Variants in CLSTN2 observed in about 807,000 individuals in gnomAD.
The protein encoded by CLSTN2 is calsyntenin 2, also known as calsyntenin-2.
In CLSTN2, 48 loss-of-function variants were observed where a neutral mutation model predicts 101.2. The ratio of observed to expected loss-of-function variants is 0.47; its 90% CI spans 0.38 to 0.60. CLSTN2 has a LOEUF of 0.60. Ranked by LOEUF, CLSTN2 falls within the 20% of genes least tolerant of loss-of-function variation. CLSTN2 has a pLI of 0.00. For synonymous variants in CLSTN2, 481 were observed against 463.6 expected (o/e 1.04, Z -0.48); for missense variants, 1,160 against 1,238.2 (o/e 0.94, Z 0.95).
rs571948227 is a variant in CLSTN2, at chr3:140,486,876, T to G, written c.1344+20145T>G. Reference sequence around the variant, plus strand: ...GCTTATTTGGCATGAAACAGGATTCTCGAAAGCCTAGAGAGAAAATTCTGA... The same window carrying G: ...GCTTATTTGGCATGAAACAGGATTCGCGAAAGCCTAGAGAGAAAATTCTGA... On this transcript the variant is annotated intron_variant, in intron 8 of 16. Transcript: ENST00000458420. Among the ~76,000 whole-genome samples, 9 of 152,254 alleles carry G rather than the reference T, an allele frequency of 5.9e-5. No homozygotes were observed. In the East Asian group the frequency reaches 1.7e-3, roughly 29 times the overall value.
intron 2 of CLSTN2, among the ~76,000 whole-genome samples, chr3:140,253,377 A>G (rs1377173055): frequency 6.6e-6 from 1 of 152,160 alleles, no homozygotes; most frequent in East Asian, 1.9e-4. Flanking sequence ...AGCTCCTCTG[A>G]ACTCCATCTA....
At chr3:140,546,805 A>C (rs1390418087) in intron 10 of CLSTN2, 124 bp downstream of exon 10, 8 of 900,504 alleles carry the variant, frequency 8.9e-6, no homozygotes, top group Non-Finnish European at 1.3e-5. Context: ...CAACAAGGCA[A>C]AGGTGCAGCC....
chr3:140,084,425 T>C (rs1014314277), intron 1 of CLSTN2, among the ~76,000 whole-genome samples: 5 of 152,198 alleles, frequency 3.3e-5, no homozygotes, highest in African/African-American at 1.2e-4. Context: ...GAAAGTCCTT[T>C]AATATCTGTG....
At chr3:140,059,821 A>C (rs190360150) in intron 1 of CLSTN2, among the ~76,000 whole-genome samples, 1 of 152,282 alleles carries the variant, frequency 6.6e-6, no homozygotes, top group Non-Finnish European at 1.5e-5. Flanking sequence ...TTAAGAAGAA[A>C]TGTCCAGGGA....
At chr3:140,020,786 T>C (rs2007298340) in intron 1 of CLSTN2, among the ~76,000 whole-genome samples, 1 of 152,222 alleles carries the variant, frequency 6.6e-6, no homozygotes, top group Admixed American at 6.5e-5. Context: ...CCCTGGGTAA[T>C]GGCAAAAGTA....
rs181514178 is a variant in CLSTN2, at chr3:139,964,326, G to A, written c.109+28843G>A. Among the ~76,000 whole-genome samples, 3 of 152,290 alleles carry A rather than the reference G, an allele frequency of 2.0e-5. No homozygotes were observed. In the East Asian group the frequency reaches 5.8e-4, roughly 29 times the overall value. ...TCCTAGTCTCATGGGCTAGAGGAAT[G>A]TAGGAATGATCACAATGTAATCTAA... On this transcript the variant is annotated intron_variant, in intron 1 of 16. Coordinates refer to ENST00000458420, the MANE Select transcript of CLSTN2 (RefSeq NM_022131.3).
chr3:140,525,931 A>G (rs947577137), intron 8 of CLSTN2, among the ~76,000 whole-genome samples: 1 of 152,186 alleles, frequency 6.6e-6, no homozygotes, highest in African/African-American at 2.4e-5. Context: ...TCAAAATATT[A>G]AAGGCCATCT....
intron 2 of CLSTN2, among the ~76,000 whole-genome samples, chr3:140,229,707 T>G (rs2086354081): frequency 6.6e-6 from 1 of 152,036 alleles, no homozygotes; most frequent in Admixed American, 6.5e-5. Flanking sequence ...GCTCCCGCTC[T>G]CACCTTCTCC....
chr3:140,510,273 A>G (rs926098930), intron 8 of CLSTN2, among the ~76,000 whole-genome samples: 7 of 152,232 alleles, frequency 4.6e-5, no homozygotes, highest in African/African-American at 1.7e-4. Flanking sequence ...AGACACTAAC[A>G]GATCTGCCAA....
At chr3:140,331,193 G>A (rs553274658) in intron 2 of CLSTN2, among the ~76,000 whole-genome samples, 23 of 152,282 alleles carry the variant, frequency 1.5e-4, no homozygotes, top group African/African-American at 5.3e-4. Context: ...TCTGGAGTCT[G>A]AGTCCAAGGG....
chr3:140,153,145 G>A (rs1221087508), intron 1 of CLSTN2, among the ~76,000 whole-genome samples: 1 of 152,166 alleles, frequency 6.6e-6, no homozygotes, highest in Non-Finnish European at 1.5e-5. Flanking sequence ...GTTGAGAGAG[G>A]GGTCCTGGTA....
chr3:140,056,900 C>G (rs1032766381), intron 1 of CLSTN2, among the ~76,000 whole-genome samples: 4 of 152,144 alleles, frequency 2.6e-5, no homozygotes, highest in Non-Finnish European at 5.9e-5. Context: ...ACATCAGTGC[C>G]CAAGATTACA....
intron 1 of CLSTN2, among the ~76,000 whole-genome samples, chr3:139,997,837 G>A (rs9833641): frequency 0.51 from 77,096 of 151,658 alleles, 21,766 homozygotes; most frequent in Non-Finnish European, 0.62. Context: ...AGTTGCATCA[G>A]ATTTATAGGC....
intron 8 of CLSTN2, among the ~76,000 whole-genome samples, chr3:140,486,792 A>T (rs1934249241): frequency 6.6e-6 from 1 of 152,358 alleles, no homozygotes; most frequent in African/African-American, 2.4e-5. Flanking sequence ...TGAATAATGA[A>T]GGAGGGCCCA....
chr3:140,474,260 G>C (rs1056641080), intron 8 of CLSTN2, among the ~76,000 whole-genome samples: 1 of 152,074 alleles, frequency 6.6e-6, no homozygotes, highest in Non-Finnish European at 1.5e-5. Context: ...AGGTGTGTAG[G>C]CTCTTCTGTA....
intron 8 of CLSTN2, among the ~76,000 whole-genome samples, chr3:140,525,874 C>G (rs762372613): frequency 3.3e-5 from 5 of 152,122 alleles, no homozygotes; most frequent in Non-Finnish European, 7.4e-5. Context: ...TCCAACATCC[C>G]TTCATGATAA....
intron 1 of CLSTN2, among the ~76,000 whole-genome samples, chr3:140,015,178 T>G (rs945640918): frequency 6.6e-6 from 1 of 152,204 alleles, no homozygotes; most frequent in Admixed American, 6.5e-5. Flanking sequence ...AAGGGACTAC[T>G]AGCAAATCTG....
chr3:140,335,797 A>G (rs2087434098), intron 2 of CLSTN2, among the ~76,000 whole-genome samples: 1 of 152,232 alleles, frequency 6.6e-6, no homozygotes, highest in Admixed American at 6.5e-5. Flanking sequence ...GGCTTAAGGA[A>G]GTCAATCCTT....
intron 1 of CLSTN2, among the ~76,000 whole-genome samples, chr3:140,133,064 T>A (rs2009546191): frequency 6.6e-6 from 1 of 152,192 alleles, no homozygotes; most frequent in Non-Finnish European, 1.5e-5. Flanking sequence ...TACACAAGCA[T>A]GGCACCAGCA....
Sources: gnomAD v4.1 joint callset for allele counts (sites outside exome capture counted in the v4.1 genomes callset) on GRCh38, gnomAD v4.1.1 for gene constraint, MANE v1.5 for transcripts, NCBI Gene and HGNC (gene_info 2026-07-23, HGNC 2026-07-21) for gene names.